The following ZNF528 variants were observed in gnomAD, a reference collection of about 807,000 sequenced individuals.
ZNF528 encodes zinc finger protein 528.
ZNF528 carries 9 observed loss-of-function variants against 13.3 expected under a neutral mutation model. The ratio of observed to expected loss-of-function variants is 0.67; its 90% CI spans 0.41 to 1.18. The LOEUF (loss-of-function observed/expected upper bound fraction) is 1.18. Ranked by LOEUF, ZNF528 falls within the 50% of genes most tolerant of loss-of-function variation. The pLI, the probability that ZNF528 is intolerant of heterozygous loss-of-function variation, is 0.01. For synonymous variants in ZNF528, 264 were observed against 254.3 expected (o/e 1.04, Z -0.36); for missense variants, 858 against 745.4 (o/e 1.15, Z -1.76).
chr19:52,400,389 T>G (rs2058778547), intron 2 of ZNF528, among the ~76,000 whole-genome samples: 1 of 152,140 alleles, frequency 6.6e-6, no homozygotes, highest in Non-Finnish European at 1.5e-5. Flanking sequence ...AAATCTTGTT[T>G]AGGCGCTCTC....
At chr19:52,414,189 C>T (rs1450329146) in intron 6 of ZNF528, 5 of 702,356 alleles carry the variant, frequency 7.1e-6, no homozygotes, top group Non-Finnish European at 1.3e-5. Context: ...TCCCCATTCA[C>T]CTTGTGAATT....
chr19:52,414,962 A>G (rs2058980319), intron 6 of ZNF528, 162 bp from the exon 7 acceptor site: 4 of 1,536,130 alleles, frequency 2.6e-6, no homozygotes, highest in Non-Finnish European at 2.6e-6. Context: ...CCAATGCATC[A>G]CCTCAGTTCC....
At chr19:52,414,814 T>C (rs192197443) in intron 6 of ZNF528, 17 of 635,198 alleles carry the variant, frequency 2.7e-5, no homozygotes, top group Admixed American at 1.7e-4. Flanking sequence ...ATACAGCTCT[T>C]CTTGGATTTC....
intron 6 of ZNF528, among the ~76,000 whole-genome samples, chr19:52,409,262 G>T (rs746591029): frequency 1.3e-5 from 2 of 150,860 alleles, no homozygotes; most frequent in Non-Finnish European, 2.9e-5. Flanking sequence ...GTCTCTGTGT[G>T]AATGTATTTG....
At chr19:52,409,083 T>G (rs2058896236) in intron 6 of ZNF528, among the ~76,000 whole-genome samples, 1 of 152,172 alleles carries the variant, frequency 6.6e-6, no homozygotes, top group Admixed American at 6.5e-5. Flanking sequence ...CTATTTTTCT[T>G]TAAGCACTTT....
At chr19:52,404,739 G>A (rs1009930944) in intron 4 of ZNF528, among the ~76,000 whole-genome samples, 2 of 151,794 alleles carry the variant, frequency 1.3e-5, no homozygotes, top group African/African-American at 2.4e-5. Flanking sequence ...TGGGATTACA[G>A]GCACTCACCA....
At chr19:52,412,905 C>T (rs1463817813) in intron 6 of ZNF528, 1 of 152,234 alleles carries the variant, frequency 6.6e-6, no homozygotes, top group African/African-American at 2.4e-5. Flanking sequence ...TCAGTTCCTT[C>T]ATCCTAACAA....
chr19:52,414,592 A>G (rs1344118869), intron 6 of ZNF528: 2 of 447,764 alleles, frequency 4.5e-6, no homozygotes, highest in Non-Finnish European at 8.1e-6. Context: ...CCAGGGAGTG[A>G]TTACCTTCAG....
chr19:52,412,715 G>C (rs1193717386), intron 6 of ZNF528: 2 of 152,180 alleles, frequency 1.3e-5, no homozygotes, highest in East Asian at 3.9e-4. Context: ...GGGTGTTGGG[G>C]GGGGGCACTG....
chr19:52,410,697 A>T (rs1244570358), intron 6 of ZNF528, among the ~76,000 whole-genome samples: 1 of 152,126 alleles, frequency 6.6e-6, no homozygotes, highest in Non-Finnish European at 1.5e-5. Context: ...GGGGGTAGAG[A>T]GAATAAACAA....
chr19:52,416,062 A>T lies in ZNF528; in HGVS notation c.1210A>T (p.Thr404Ser), dbSNP rs1392901453. 2 of 1,613,910 alleles carry T rather than the reference A, an allele frequency of 1.2e-6. No individual in the cohort carries two copies. The highest frequency in any genetic ancestry group is 8.5e-7 in the Non-Finnish European group (1 of 1,180,036). ...CCTGACCTCTCATCAGAGAATTCAT[A>T]CTAGAGAGAGACCTTATGGATGCAG... ...CFLTSHQRIH[T>S]RERPYGCSQC... The change falls in exon 7 of 7, where the codon ACT (threonine) becomes TCT (serine). Residue 404 changes from threonine to serine, a missense_variant. Transcript: ENST00000360465.
At chr19:52,407,747 G>C (rs1338797575) in intron 6 of ZNF528, among the ~76,000 whole-genome samples, 1 of 152,124 alleles carries the variant, frequency 6.6e-6, no homozygotes, top group Non-Finnish European at 1.5e-5. Flanking sequence ...CTGCGCCCTA[G>C]CTTGGGTGAC....
chr19:52,403,646 C>T (rs1411400762), intron 4 of ZNF528, among the ~76,000 whole-genome samples: 3 of 117,036 alleles, frequency 2.6e-5, no homozygotes, highest in South Asian at 2.8e-4. Context: ...GGCAACAGAG[C>T]GAGACTCCAT....
chr19:52,406,470 T>C lies in ZNF528; in HGVS notation c.143-45T>C, dbSNP rs772609575. The stretch of plus-strand genomic sequence containing the variant: ...TCCTCCCTAAATACAGGGCTTGGAC[T>C]TGGGAGATGCCACAGCACACATTTA... On this transcript the variant is annotated intron_variant, in intron 5 of 6. Transcript: ENST00000360465. The C allele has an allele frequency of 3.8e-6, 6 of 1,597,266 alleles. No individual in the cohort carries two copies. The East Asian group carries it at 1.3e-4, about 36-fold the overall frequency.
chr19:52,410,942 T>C (rs1568427783), intron 6 of ZNF528, among the ~76,000 whole-genome samples: 1 of 152,174 alleles, frequency 6.6e-6, no homozygotes, highest in African/African-American at 2.4e-5. Flanking sequence ...AATGTGTCTT[T>C]ACCAAGAACT....
chr19:52,416,505 T>C lies in ZNF528; in HGVS notation c.1653T>C (p.Cys551=), dbSNP rs111453663. The C allele has an allele frequency of 1.2e-6, 2 of 1,614,180 alleles. No individual in the cohort carries two copies. Among genetic ancestry groups the C allele is most frequent in the South Asian group, 1.1e-5 (1 of 91,082 alleles). The stretch of plus-strand genomic sequence containing the variant: ...ATACTGGAGAGAGGCCTTACAGATG[T>C]AGTAAATGTGGCAAAGCATTTCGAG... ...IIHTGERPYR[C]SKCGKAFRGC... The change falls in exon 7 of 7, where the codon TGT becomes TGC. Residue 551 remains cysteine (C), a synonymous_variant. Coordinates refer to ENST00000360465, the MANE Select transcript of ZNF528 (RefSeq NM_032423.3).
intron 6 of ZNF528, chr19:52,414,159 C>A (rs1568429537): frequency 4.3e-6 from 3 of 700,976 alleles, no homozygotes; most frequent in Admixed American, 4.0e-5. Context: ...ATATCCGCTG[C>A]CAGCCGACTC....
chr19:52,416,153 A>T lies in ZNF528; in HGVS notation c.1301A>T (p.Glu434Val), dbSNP rs2059000733. The T allele has an allele frequency of 6.2e-7, 1 of 1,614,130 alleles. No homozygotes were observed. Residue 434 changes from glutamate to valine, a missense_variant, in exon 7 of 7, where the codon GAG (glutamate) becomes GTG (valine). By Grantham distance (121) the Glu-to-Val change is moderately radical. Coordinates refer to ENST00000360465, the MANE Select transcript of ZNF528 (RefSeq NM_032423.3). ...CGACATCGAAAAACTCATACTGATG[A>T]GAAGCCTTACAAATGTAATAAATGT... ...LIRHRKTHTD[E>V]KPYKCNKCGT... is the part of the protein sequence containing the mutation.
Position 52,417,456 on chromosome 19 carries a change from T to C in ZNF528, c.*717T>C, listed in dbSNP as rs2059016626. The C allele has an allele frequency of 6.4e-6, 1 of 157,084 alleles. No individual in the cohort carries two copies. Among genetic ancestry groups the C allele is most frequent in the Non-Finnish European group, 1.4e-5 (1 of 71,580 alleles). 9.7% of individuals were successfully genotyped at this position (157,084 alleles called of 1,614,324 possible). On this transcript the variant is annotated 3_prime_UTR_variant, in exon 7 of 7. Coordinates refer to ENST00000360465, the MANE Select transcript of ZNF528 (RefSeq NM_032423.3). The stretch of plus-strand genomic sequence containing the variant: ...AGCTTCAGTGTCCACCAACTGACCA[T>C]GAAATAGAGTATGCTGTAATCTTAA...
Sources: gnomAD v4.1 joint callset for allele counts (sites outside exome capture counted in the v4.1 genomes callset) on GRCh38, gnomAD v4.1.1 for gene constraint, MANE v1.5 for transcripts, NCBI Gene and HGNC (gene_info 2026-07-23, HGNC 2026-07-21) for gene names.